The following FKBP5 variants were observed in gnomAD, a reference collection of about 807,000 sequenced individuals.
The protein encoded by FKBP5 is FKBP prolyl isomerase 5.
FKBP5 carries 23 observed loss-of-function variants against 50.5 expected under a neutral mutation model. That is an observed-to-expected ratio of 0.46 (90% CI 0.33 to 0.65). FKBP5 has a LOEUF of 0.65. Ranked by LOEUF, FKBP5 falls within the 30% of genes least tolerant of loss-of-function variation. The pLI is 0.02. For missense variants in FKBP5, 411 were observed against 553.1 expected, an observed-to-expected ratio of 0.74 and a Z score of 2.58; for synonymous variants, 176 against 190.6, an observed-to-expected ratio of 0.92 and a Z score of 0.63.
At position 35,657,108 on chromosome 6, in the gene FKBP5, G is replaced by A. The variant is rs1198973889; in HGVS notation, c.-19-14265C>T. Among the ~76,000 whole-genome samples, 5 of 142,940 alleles carry A rather than the reference G, an allele frequency of 3.5e-5. No individual in the cohort carries two copies. The East Asian group carries it at 1.1e-3, about 31-fold the overall frequency. The allele number at this position is 142,940 out of a possible 152,430, so 93.8% of individuals were successfully genotyped here. ...CGGGCGCCTGTAGTCCCAGCTACTC[G>A]GGAGGCTGAGGCAGAAGAATGGCGT... is the stretch of plus-strand genomic sequence containing the variant. On this transcript the variant is annotated intron_variant, in intron 1 of 10. Coordinates refer to ENST00000357266, the MANE Select transcript of FKBP5 (RefSeq NM_004117.4).
chr6:35,584,149 T>C, intron 8 of FKBP5: 1 of 985,334 alleles, frequency 1.0e-6, no homozygotes, highest in East Asian at 1.1e-4. Flanking sequence ...TCGTGTCTGT[T>C]TAACTCGCTT....
chr6:35,620,869 T>C (rs1443834088), intron 3 of FKBP5, among the ~76,000 whole-genome samples: 2 of 152,196 alleles, frequency 1.3e-5, no homozygotes, highest in Non-Finnish European at 1.5e-5. Flanking sequence ...TATGTTGCAA[T>C]TGTTGCCTAA....
chr6:35,636,128 G>C (rs879577011), intron 3 of FKBP5, among the ~76,000 whole-genome samples: 23 of 152,100 alleles, frequency 1.5e-4, no homozygotes, highest in Non-Finnish European at 2.8e-4. Flanking sequence ...TAGTTATACA[G>C]ATCTTCCAAA....
intron 1 of FKBP5, among the ~76,000 whole-genome samples, chr6:35,721,612 C>T (rs1160170723): frequency 3.9e-5 from 6 of 152,158 alleles, no homozygotes; most frequent in Non-Finnish European, 5.9e-5. Flanking sequence ...TGCGCTACCA[C>T]GCCCGGCTAA....
At chr6:35,721,093 T>C (rs1561909951) in intron 1 of FKBP5, among the ~76,000 whole-genome samples, 1 of 152,190 alleles carries the variant, frequency 6.6e-6, no homozygotes, top group Non-Finnish European at 1.5e-5. Flanking sequence ...GGCTCACACC[T>C]GTAATCCCAG....
At chr6:35,585,080 C>G in intron 8 of FKBP5, 2 of 985,206 alleles carry the variant, frequency 2.0e-6, no homozygotes, top group Non-Finnish European at 2.4e-6. Context: ...CGATTAGAGC[C>G]TCTGAATAGC....
intron 3 of FKBP5, among the ~76,000 whole-genome samples, chr6:35,623,752 C>CTT (rs781042802): frequency 4.2e-5 from 6 of 142,052 alleles, no homozygotes; most frequent in Admixed American, 1.4e-4. Context: ...TTTTCTTCTT[C>CTT]TTTTTTTTTT....
At position 35,637,165 on chromosome 6, in the gene FKBP5, A is replaced by G. The variant is rs1359368698; in HGVS notation, c.106-7T>C. 6.2e-7 allele frequency: 1 copy of G among 1,603,268 alleles called. No homozygotes were observed. Among genetic ancestry groups the G allele is most frequent in the African/African-American group, 1.3e-5 (1 of 74,204 alleles). ...TCCCCACTCTTTTGACAATCTAGAA[A>G]AGACAAACATTAAGAAAAAGGAGGT... On this transcript the variant is annotated splice_region_variant and splice_polypyrimidine_tract_variant and intron_variant, in intron 2 of 10. Coordinates refer to ENST00000357266, the MANE Select transcript of FKBP5 (RefSeq NM_004117.4).
chr6:35,687,665 T>G (rs1464382992), intron 1 of FKBP5, among the ~76,000 whole-genome samples: 1 of 152,216 alleles, frequency 6.6e-6, no homozygotes, highest in Non-Finnish European at 1.5e-5. Context: ...TAGTAAGCCT[T>G]ATTCCACTGG....
At chr6:35,708,662 T>G (rs187314917) in intron 2 of FKBP5, among the ~76,000 whole-genome samples, 1 of 152,296 alleles carries the variant, frequency 6.6e-6, no homozygotes, top group East Asian at 1.9e-4. Context: ...TCTTCCCCTC[T>G]GATTTTTGAG....
chr6:35,634,319 TCAA>T (rs574042031), intron 3 of FKBP5, among the ~76,000 whole-genome samples: 8 of 151,968 alleles, frequency 5.3e-5, no homozygotes, highest in Non-Finnish European at 2.9e-5. Context: ...TATGCCTAAA[TCAA>T]CAACAACAAC....
chr6:35,720,046 C>G (rs990577333), intron 2 of FKBP5, among the ~76,000 whole-genome samples: 1 of 150,008 alleles, frequency 6.7e-6, no homozygotes, highest in Non-Finnish European at 1.5e-5. Flanking sequence ...AGAAGCAGCT[C>G]GGCAGTTGGG....
intron 7 of FKBP5, among the ~76,000 whole-genome samples, chr6:35,588,452 A>C (rs1429134443): frequency 6.6e-6 from 1 of 152,212 alleles, no homozygotes; most frequent in South Asian, 2.1e-4. Context: ...TTTAGCACCC[A>C]AAAAACAAAA....
upstream of FKBP5, among the ~76,000 whole-genome samples, chr6:35,689,333 A>C (rs897356299): frequency 6.6e-6 from 1 of 152,144 alleles, no homozygotes; most frequent in African/African-American, 2.4e-5. Context: ...GGGGCAGGCC[A>C]GGCTGTTTGT....
chr6:35,695,142 C>T (rs1766061630), intron 2 of FKBP5, among the ~76,000 whole-genome samples: 1 of 152,046 alleles, frequency 6.6e-6, no homozygotes, highest in Admixed American at 6.6e-5. Flanking sequence ...AGAAGAATGT[C>T]CATTTCAACC....
In FKBP5 at chr6:35,685,205, C is replaced by G. The variant is rs184485580; in HGVS notation, c.-20+3599G>C. Among the ~76,000 whole-genome samples, 55 of 152,198 alleles carry G rather than the reference C, an allele frequency of 3.6e-4. No individual in the cohort carries two copies. In the East Asian group the frequency reaches 0.01, roughly 29 times the overall value. On this transcript the variant is annotated intron_variant, in intron 1 of 10. Coordinates refer to ENST00000357266, the MANE Select transcript of FKBP5 (RefSeq NM_004117.4). ...ATATCCTTATTAATCTGTTAGTAAC[C>G]TGCTAGTACATATGGCCCCACTGTA...
chr6:35,696,144 CAA>C (rs60390656), intron 2 of FKBP5, among the ~76,000 whole-genome samples: 4,006 of 64,368 alleles, frequency 0.062, 48 homozygotes, highest in East Asian at 0.1. Flanking sequence ...GACTCTGTCT[CAA>C]AAAAAAAAAA....
At chr6:35,606,385 C>T (rs898245921) in intron 5 of FKBP5, among the ~76,000 whole-genome samples, 1 of 152,004 alleles carries the variant, frequency 6.6e-6, no homozygotes, top group Non-Finnish European at 1.5e-5. Context: ...AGGCCGGGCG[C>T]TGTGACTCAT....
At chr6:35,704,614 C>G (rs1766247828) in intron 2 of FKBP5, among the ~76,000 whole-genome samples, 1 of 151,996 alleles carries the variant, frequency 6.6e-6, no homozygotes, top group African/African-American at 2.4e-5. Flanking sequence ...TTTATAGATA[C>G]CATATATCAC....
Sources: allele counts gnomAD v4.1 joint callset (sites outside exome capture counted in the v4.1 genomes callset), GRCh38; gene constraint gnomAD v4.1.1; transcripts MANE v1.5; gene names NCBI Gene and HGNC (gene_info 2026-07-23, HGNC 2026-07-21).